LAS1L: variants seen among roughly 807,000 people sequenced by gnomAD.
The protein encoded by LAS1L is LAS1 like ribosome biogenesis factor.
A neutral mutation model predicts 57.3 loss-of-function variants in LAS1L; 5 were observed. The ratio of observed to expected loss-of-function variants is 0.09; its 90% CI spans 0.05 to 0.18. The LOEUF (loss-of-function observed/expected upper bound fraction) is 0.18, where lower values mean the gene tolerates loss of function less well. Among genes scored for constraint, LAS1L ranks in the 10% least tolerant of loss-of-function variants. The pLI is 1.00. For synonymous variants in LAS1L, 245 were observed against 231.7 expected (o/e 1.06, Z -0.52); for missense variants, 360 against 568.3 (o/e 0.63, Z 3.73).
chrX:65,514,783 G>C, intron 13 of LAS1L, 40 bp downstream of exon 13: 1 of 1,123,688 alleles, frequency 8.9e-7, no homozygotes, highest in South Asian at 2.2e-5. Context: ...ACAGGTGGCA[G>C]AGAAAGGGGG....
chrX:65,534,752 C>G lies in LAS1L; in HGVS notation c.-37G>C. The G allele has an allele frequency of 8.4e-6, 9 of 1,071,960 alleles. No individual in the cohort carries two copies. The highest frequency in any genetic ancestry group is 5.1e-6 in the Non-Finnish European group (4 of 789,614). 88.3% of individuals were successfully genotyped at this position (1,071,960 alleles called of 1,213,427 possible). A position where few individuals can be genotyped will look rare whatever the true frequency, so the allele number is the denominator to read the frequency against. On this transcript the variant is annotated 5_prime_UTR_variant, in exon 1 of 14. Transcript: ENST00000374811. ...CAACAGGCTCTGTGCCGCGCCGCTC[C>G]GCACAGCCTTCAGCTCAGCGTGCTA...
intron 2 of LAS1L, among the ~76,000 whole-genome samples, chrX:65,533,150 C>T (rs2069585482): frequency 9.0e-6 from 1 of 111,070 alleles, no homozygotes. Context: ...TCTCCACTTC[C>T]ATAACTCAGC....
Position 65,520,288 on chromosome X carries a change from A to G in LAS1L, c.1449-1823T>C, listed in dbSNP as rs188669363. 613 of 218,420 alleles carry G rather than the reference A, an allele frequency of 2.8e-3. 2 individuals carry two copies. The highest frequency in any genetic ancestry group is 0.017 in the African/African-American group (542 of 32,635). The allele number at this position is 218,420 out of a possible 1,213,427, so 18.0% of individuals were successfully genotyped here. ...CCATCAACAAATGTGTAGCTATTAG[A>G]TAAGTCCCATCACTCCTTAGAGCCT... On this transcript the variant is annotated intron_variant, in intron 11 of 13. Transcript: ENST00000374811.
At position 65,532,592 on chromosome X, in the gene LAS1L, G is replaced by A. The variant is rs1046348825; in HGVS notation, c.401C>T (p.Ala134Val). The A allele has an allele frequency of 1.7e-6, 2 of 1,209,067 alleles. No individual in the cohort carries two copies. Among genetic ancestry groups the A allele is most frequent in the Non-Finnish European group, 2.2e-6 (2 of 892,753 alleles). Residue 134 changes from alanine to valine, a missense_variant, in exon 3 of 14, where the codon GCC becomes GTC. By Grantham distance (64) the Ala-to-Val change is moderately conservative. Coordinates refer to ENST00000374811, the MANE Select transcript of LAS1L (RefSeq NM_031206.7). ...AGCCAGACACTTGAGGGGGACCTTG[G>A]CAAACTTTGTCTTCCTCTCTGAGAT... ...NLISERKTKF[A>V]KVPLKCLAQE...
rs772564998 is a variant in LAS1L, at chrX:65,525,748, C to CAAAAAAAAAA, written c.957-708_957-699dup. Among the ~76,000 whole-genome samples the CAAAAAAAAAA allele has an allele frequency of 3.6e-3, 137 of 38,223 alleles. 11 individuals are homozygous for CAAAAAAAAAA. Among genetic ancestry groups the CAAAAAAAAAA allele is most frequent in the African/African-American group, 0.015 (127 of 8,717 alleles). 33.2% of individuals were successfully genotyped at this position (38,223 alleles called of 115,157 possible). On this transcript the variant is annotated intron_variant, in intron 7 of 13. Transcript: ENST00000374811. ...AGGTCTTCACCAAGGTCTGATTTTT[C>CAAAAAAAAAA]AAAAAAAAAAAAAAAAAAAAGAAAG...
At chrX:65,520,451 A>AT (rs966690780) in intron 11 of LAS1L, 15 of 752,870 alleles carry the variant, frequency 2.0e-5, no homozygotes, top group Non-Finnish European at 2.3e-5. Context: ...AGTATCTTTT[A>AT]TTTTTTCTCT....
chrX:65,516,107 C>A (rs1404261844), intron 12 of LAS1L, among the ~76,000 whole-genome samples: 1 of 111,831 alleles, frequency 8.9e-6, no homozygotes, highest in African/African-American at 3.3e-5. Context: ...AAAGAATTCT[C>A]CCTGTCATAA....
At chrX:65,531,877 C>A (rs775482039) in intron 3 of LAS1L, among the ~76,000 whole-genome samples, 1 of 111,997 alleles carries the variant, frequency 8.9e-6, no homozygotes, top group Non-Finnish European at 1.9e-5. Flanking sequence ...GCCAAGATCA[C>A]GCCACTGCAC....
At chrX:65,524,387 C>T (rs1334897767) in intron 9 of LAS1L, 125 bp from the exon 10 acceptor site, 9 of 557,313 alleles carry the variant, frequency 1.6e-5, no homozygotes, top group Admixed American at 5.7e-5. Flanking sequence ...TGTGTGCGCG[C>T]GCATGAGCCA....
At chrX:65,523,014 T>A in intron 11 of LAS1L, 1 of 112,150 alleles carries the variant, frequency 8.9e-6, no homozygotes, top group Non-Finnish European at 1.9e-5. Flanking sequence ...ACCAGTGCAA[T>A]ATTCAGTTTG....
intron 7 of LAS1L, among the ~76,000 whole-genome samples, chrX:65,526,232 A>G (rs929053287): frequency 9.0e-6 from 1 of 111,551 alleles, no homozygotes; most frequent in Non-Finnish European, 1.9e-5. Context: ...TTTCTTCAAA[A>G]TTACCCAGCC....
chrX:65,514,783 G>A (rs2068571433), intron 13 of LAS1L, 40 bp downstream of exon 13: 1 of 1,121,522 alleles, frequency 8.9e-7, no homozygotes, highest in African/African-American at 1.8e-5. Context: ...ACAGGTGGCA[G>A]AGAAAGGGGG....
At chrX:65,514,734 A>T in intron 13 of LAS1L, 89 bp downstream of exon 13, 2 of 930,468 alleles carry the variant, frequency 2.1e-6, no homozygotes, top group South Asian at 5.3e-5. Context: ...GGGGACAGCT[A>T]CCTCCCCCAC....
chrX:65,530,554 A>G (rs913024281), intron 4 of LAS1L, among the ~76,000 whole-genome samples: 3 of 110,203 alleles, frequency 2.7e-5, no homozygotes, highest in African/African-American at 6.6e-5. Flanking sequence ...CATGCCTGTA[A>G]TCCTAGCACT....
intron 12 of LAS1L, among the ~76,000 whole-genome samples, chrX:65,516,469 G>A (rs1182739834): frequency 5.4e-5 from 6 of 110,598 alleles, no homozygotes; most frequent in Non-Finnish European, 7.6e-5. Flanking sequence ...CTCACTGCCT[G>A]TTCCCACTAC....
At chrX:65,529,334 A>G in intron 5 of LAS1L, 76 bp from the exon 6 acceptor site, 1 of 881,589 alleles carries the variant, frequency 1.1e-6, no homozygotes, top group Admixed American at 2.7e-5. Flanking sequence ...AGCCTCTCTC[A>G]CCTCATTTCT....
At chrX:65,519,053 G>A (rs1290309847) in intron 11 of LAS1L, 1 of 584,768 alleles carries the variant, frequency 1.7e-6, no homozygotes, top group East Asian at 1.7e-4. Flanking sequence ...GGATGTGGGA[G>A]GGAGGCCAGA....
At chrX:65,529,957 T>C (rs917223311) in intron 4 of LAS1L, 79 bp from the exon 5 acceptor site, 1 of 931,016 alleles carries the variant, frequency 1.1e-6, no homozygotes, top group Non-Finnish European at 1.5e-6. Context: ...GTGGGTATTA[T>C]AGGAAGGCCC....
At position 65,529,751 on chromosome X, in the gene LAS1L, ATCTTCCTCTTGATCC is replaced by A. The variant is rs2069371705; in HGVS notation, c.627_641del (p.Glu209_Glu213del). 3 of 1,211,509 alleles carry A rather than the reference ATCTTCCTCTTGATCC, an allele frequency of 2.5e-6. No homozygotes were observed. The highest frequency in any genetic ancestry group is 3.4e-6 in the Non-Finnish European group (3 of 895,439). On this transcript the variant is annotated inframe_deletion, in exon 5 of 14. Coordinates refer to ENST00000374811, the MANE Select transcript of LAS1L (RefSeq NM_031206.7). ...TGATGTCATCAACAACAATGTTCTT[ATCTTCCTCTTGATCC>A]TCTTCCTCTATCCCTTCCCTGAACT...
Sources: gnomAD v4.1 joint callset for allele counts (sites outside exome capture counted in the v4.1 genomes callset) on GRCh38, gnomAD v4.1.1 for gene constraint, MANE v1.5 for transcripts, NCBI Gene and HGNC (gene_info 2026-07-23, HGNC 2026-07-21) for gene names.